SVEP1: variants seen among roughly 807,000 people sequenced by gnomAD.
SVEP1 encodes sushi, von Willebrand factor type A, EGF and pentraxin domain-containing protein 1.
In SVEP1, 164 loss-of-function variants were observed where a neutral mutation model predicts 367.3. The observed-to-expected ratio is 0.45, with a 90% confidence interval of 0.39 to 0.51. The LOEUF is 0.51. SVEP1 is among the 20% of genes least tolerant of loss of function. The pLI, the probability that SVEP1 is intolerant of heterozygous loss-of-function variation, is 0.00. For synonymous variants in SVEP1, 1,666 were observed against 1,611.6 expected (o/e 1.03, Z -0.81); for missense variants, 4,117 against 4,425.3 (o/e 0.93, Z 1.98).
intron 4 of SVEP1, 70 bp from the exon 5 acceptor site, chr9:110,513,175 TTC>T: frequency 7.0e-7 from 1 of 1,431,516 alleles, no homozygotes; most frequent in Non-Finnish European, 9.4e-7. Context: ...TTTTTTTTTT[TTC>T]TTTCAAGGGG....
chr9:110,386,103 G>C (rs1210220265), intron 42 of SVEP1, 29 bp from the exon 43 acceptor site: 1 of 1,593,282 alleles, frequency 6.3e-7, no homozygotes, highest in South Asian at 1.1e-5. Flanking sequence ...AATGCTTACT[G>C]ATATTTCCCC....
intron 14 of SVEP1, among the ~76,000 whole-genome samples, chr9:110,473,792 A>T (rs576118539): frequency 7.9e-5 from 12 of 152,194 alleles, no homozygotes; most frequent in African/African-American, 2.9e-4. Flanking sequence ...CAATGGCATG[A>T]TTTTTACCTT....
intron 46 of SVEP1, among the ~76,000 whole-genome samples, chr9:110,373,782 G>A (rs1468553183): frequency 6.6e-6 from 1 of 152,026 alleles, no homozygotes; most frequent in Non-Finnish European, 1.5e-5. Flanking sequence ...TTGCCCTCAA[G>A]TGGCGTATAA....
Position 110,386,015 on chromosome 9 carries a change from ACTC to A in SVEP1, c.10117_10119del (p.Glu3373del). The A allele has an allele frequency of 6.2e-7, 1 of 1,613,676 alleles. No homozygotes were observed. Among genetic ancestry groups the A allele is most frequent in the Non-Finnish European group, 8.5e-7 (1 of 1,179,776 alleles). On this transcript the variant is annotated inframe_deletion, in exon 43 of 48. Coordinates refer to ENST00000374469, the MANE Select transcript of SVEP1 (RefSeq NM_153366.4). ...ATGGACACATTCTGATCAACATAAA[ACTC>A]CTTTTCAGACAGCAGAGCATTCTCG...
chr9:110,557,911 T>C (rs192615752), intron 1 of SVEP1, among the ~76,000 whole-genome samples: 87 of 152,330 alleles, frequency 5.7e-4, no homozygotes, highest in African/African-American at 2.0e-3. Flanking sequence ...CTTGACATTA[T>C]CATTTGTTCT....
chr9:110,384,289 C>T (rs1827486940), intron 43 of SVEP1, among the ~76,000 whole-genome samples: 1 of 143,242 alleles, frequency 7.0e-6, no homozygotes, highest in Non-Finnish European at 1.6e-5. Context: ...TCTGCTTGCC[C>T]CATGTGGCTC....
intron 3 of SVEP1, among the ~76,000 whole-genome samples, chr9:110,529,823 A>G (rs1486109585): frequency 1.3e-5 from 2 of 151,922 alleles, no homozygotes; most frequent in African/African-American, 4.8e-5. Context: ...AGTTAGTTTG[A>G]CTTTCACTTT....
Position 110,450,159 on chromosome 9 carries a change from G to T in SVEP1, c.4003C>A (p.Pro1335Thr), listed in dbSNP as rs755211609. ...QVGGFLCKCP[P>T]GFLGTRCGKN... ...CCACATCGGGTACCCAAAAATCCAG[G>T]TGGGCATTTGCACAAGAATCCCCCA... Residue 1335 changes from proline to threonine, a missense_variant, in exon 24 of 48, where the codon CCT becomes ACT. Physicochemically the swap from Pro to Thr is conservative, Grantham distance 38 (BLOSUM62 -1). Around this residue, in one of 4 missense-constraint regions of SVEP1, gnomAD observed 2,174 missense variants for 2,494.3 expected, o/e 0.87. Coordinates refer to ENST00000374469, the MANE Select transcript of SVEP1 (RefSeq NM_153366.4). 1 of 1,613,702 alleles carries T rather than the reference G, an allele frequency of 6.2e-7. No homozygotes were observed. The highest frequency in any genetic ancestry group is 1.3e-5 in the African/African-American group (1 of 74,866).
intron 37 of SVEP1, among the ~76,000 whole-genome samples, chr9:110,409,712 AT>A (rs1237119088): frequency 6.6e-6 from 1 of 152,238 alleles, no homozygotes; most frequent in African/African-American, 2.4e-5. Context: ...TAAGAATACT[AT>A]CAAAATTTTG....
chr9:110,512,151 G>A (rs538607439), intron 5 of SVEP1, among the ~76,000 whole-genome samples: 67 of 152,250 alleles, frequency 4.4e-4, no homozygotes, highest in African/African-American at 1.5e-3. Context: ...ACTGGCAACC[G>A]TAGGTAGGGA....
Position 110,408,420 on chromosome 9 carries a change from G to C in SVEP1, c.7180C>G (p.Pro2394Ala). ...PPLISFGVPI[P>A]SSALHFGSTV... ...CTTCCAAAATGAAGAGCAGAAGAAG[G>C]AATGGGGACACCAAAGGAAATTAGG... The change falls in exon 38 of 48, where the codon CCT (proline) becomes GCT (alanine). Residue 2394 changes from proline (P) to alanine (A), a missense_variant. Coordinates refer to ENST00000374469, the MANE Select transcript of SVEP1 (RefSeq NM_153366.4). 1 of 1,613,934 alleles carries C rather than the reference G, an allele frequency of 6.2e-7. No individual in the cohort carries two copies. Among genetic ancestry groups the C allele is most frequent in the South Asian group, 1.1e-5 (1 of 91,080 alleles).
chr9:110,366,569 A>T lies in SVEP1; in HGVS notation c.10695-9T>A. Reference sequence around the variant, plus strand: ...ACCCAGTCCTCCTTTTCCTGGAAAAAAAAAAAAAAGCAACCAAATAGATTC... The same window carrying T: ...ACCCAGTCCTCCTTTTCCTGGAAAATAAAAAAAAAGCAACCAAATAGATTC... On this transcript the variant is annotated splice_polypyrimidine_tract_variant and intron_variant, in intron 47 of 47. Coordinates refer to ENST00000374469, the MANE Select transcript of SVEP1 (RefSeq NM_153366.4). The T allele has an allele frequency of 6.5e-7, 1 of 1,537,318 alleles. No individual in the cohort carries two copies. Among genetic ancestry groups the T allele is most frequent in the Non-Finnish European group, 8.7e-7 (1 of 1,144,560 alleles).
chr9:110,428,613 CT>C (rs1363425996), intron 35 of SVEP1, among the ~76,000 whole-genome samples: 2 of 152,134 alleles, frequency 1.3e-5, no homozygotes, highest in African/African-American at 4.8e-5. Context: ...AGTCTGAATG[CT>C]TACAGCAATT....
chr9:110,457,423 T>C, intron 20 of SVEP1, 71 bp from the exon 21 acceptor site: 2 of 1,257,364 alleles, frequency 1.6e-6, no homozygotes, highest in South Asian at 2.6e-5. Flanking sequence ...CTGATTAGAG[T>C]CAGGTTTGCA....
intron 35 of SVEP1, among the ~76,000 whole-genome samples, chr9:110,428,571 G>C (rs763874915): frequency 6.6e-6 from 1 of 152,132 alleles, no homozygotes; most frequent in African/African-American, 2.4e-5. Context: ...TTCTGTTTAT[G>C]CTTCATAAAC....
chr9:110,400,804 A>G (rs1216952333), intron 40 of SVEP1, 50 bp downstream of exon 40: 1 of 1,549,870 alleles, frequency 6.5e-7, no homozygotes, highest in Non-Finnish European at 8.7e-7. Context: ...AGTATCCCCA[A>G]GTATATTGGA....
intron 28 of SVEP1, among the ~76,000 whole-genome samples, chr9:110,436,110 T>C (rs534116094): frequency 1.3e-5 from 2 of 152,156 alleles, no homozygotes; most frequent in South Asian, 4.2e-4. Flanking sequence ...TATTCTTAAA[T>C]TTTATTGGAG....
Position 110,503,234 on chromosome 9 carries a change from C to A in SVEP1, c.1304-17G>T. On this transcript the variant is annotated splice_polypyrimidine_tract_variant and intron_variant, in intron 5 of 47. Transcript: ENST00000374469. ...ATGTTCTTACTATGTAAAATGAAAG[C>A]AATTAGATCACATTTTGCTAAATAA... The A allele has an allele frequency of 6.3e-7, 1 of 1,597,490 alleles. No individual in the cohort carries two copies. The highest frequency in any genetic ancestry group is 2.2e-5 in the East Asian group (1 of 44,770).
At chr9:110,536,257 T>C (rs1472230041) in intron 3 of SVEP1, among the ~76,000 whole-genome samples, 1 of 152,152 alleles carries the variant, frequency 6.6e-6, no homozygotes, top group Non-Finnish European at 1.5e-5. Flanking sequence ...GTCACATTTA[T>C]TGATTTGCTT....
Sources: allele counts gnomAD v4.1 joint callset (sites outside exome capture counted in the v4.1 genomes callset), GRCh38; gene constraint gnomAD v4.1.1; regional missense constraint gnomAD v4.1.1; transcripts MANE v1.5; gene names NCBI Gene and HGNC (gene_info 2026-07-23, HGNC 2026-07-21).